NLK: variants seen among roughly 807,000 people sequenced by gnomAD.
The protein encoded by NLK is serine/threonine-protein kinase NLK.
NLK carries 11 observed loss-of-function variants against 59.0 expected under a neutral mutation model. The ratio of observed to expected loss-of-function variants is 0.19; its 90% CI spans 0.12 to 0.31. The LOEUF is 0.31. Among genes scored for constraint, NLK ranks in the 10% least tolerant of loss-of-function variants. The pLI, the probability that NLK is intolerant of heterozygous loss-of-function variation, is 1.00. For missense variants in NLK, 410 were observed against 661.1 expected (o/e 0.62, Z 4.16); for synonymous variants, 235 against 235.9 (o/e 1.00, Z 0.03).
chr17:28,065,246 G>C lies in NLK; in HGVS notation c.458+21915G>C, dbSNP rs34346130. 5.6e-3 allele frequency among the ~76,000 whole-genome samples: 860 copies of C among 152,222 alleles called. 6 individuals carry two copies. The highest frequency in any genetic ancestry group is 0.019 in the African/African-American group (808 of 41,522). ...TTATGAATGGTACCCCCCTGCAGTT[G>C]GCAGTGTAGTTTTTTTCTAGGCAGT... On this transcript the variant is annotated intron_variant, in intron 1 of 10. Coordinates refer to ENST00000407008, the MANE Select transcript of NLK (RefSeq NM_016231.5).
At chr17:28,139,973 G>GA (rs1039713366) in intron 3 of NLK, among the ~76,000 whole-genome samples, 2 of 152,102 alleles carry the variant, frequency 1.3e-5, no homozygotes, top group Non-Finnish European at 2.9e-5. Context: ...ACTTCAGGCA[G>GA]AAAAAAACGA....
chr17:28,134,383 A>T (rs1906651047), intron 3 of NLK, among the ~76,000 whole-genome samples: 3 of 152,246 alleles, frequency 2.0e-5, no homozygotes, highest in Admixed American at 2.0e-4. Context: ...CCTGGGCGAC[A>T]GAGTGAGACC....
chr17:28,197,909 C>A (rs534900900), downstream of NLK, among the ~76,000 whole-genome samples: 1 of 152,218 alleles, frequency 6.6e-6, no homozygotes, highest in East Asian at 1.9e-4. Flanking sequence ...GACTTTACTT[C>A]AAGAAGATGA....
intron 1 of NLK, among the ~76,000 whole-genome samples, chr17:28,112,628 C>G (rs1343516175): frequency 6.6e-6 from 1 of 152,174 alleles, no homozygotes; most frequent in African/African-American, 2.4e-5. Context: ...TTTGCCACAG[C>G]TGGAAGTCCT....
At chr17:28,060,539 C>T (rs543620177) in intron 1 of NLK, among the ~76,000 whole-genome samples, 23 of 152,062 alleles carry the variant, frequency 1.5e-4, no homozygotes, top group Admixed American at 5.9e-4. Context: ...TCCAAAGTGC[C>T]GGGATTACAA....
At chr17:28,163,469 C>G (rs915771944) in intron 4 of NLK, 74 bp from the exon 5 acceptor site, 4 of 866,162 alleles carry the variant, frequency 4.6e-6, no homozygotes, top group Non-Finnish European at 3.7e-6. Flanking sequence ...CTGTTTTCTT[C>G]CAAGGTTTTT....
At chr17:28,125,912 A>G (rs1400848586) in intron 2 of NLK, among the ~76,000 whole-genome samples, 3 of 152,234 alleles carry the variant, frequency 2.0e-5, no homozygotes, top group African/African-American at 7.2e-5. Flanking sequence ...CGTGTCAGAT[A>G]GGGCTTGTTA....
At chr17:28,098,675 C>CTTTTTTTT (rs781294029) in intron 1 of NLK, among the ~76,000 whole-genome samples, 7 of 67,568 alleles carry the variant, frequency 1.0e-4, no homozygotes, top group African/African-American at 2.5e-4. Flanking sequence ...CATTACCATT[C>CTTTTTTTT]TTTTTTTTTT....
At chr17:28,057,975 CCTAGGCTACAATATAAGAT>C (rs1474112213) in intron 1 of NLK, among the ~76,000 whole-genome samples, 7 of 152,158 alleles carry the variant, frequency 4.6e-5, no homozygotes, top group African/African-American at 1.7e-4. Flanking sequence ...GTGTTTGCTG[CCTAGGCTACAATATAAGAT>C]ACTATGTTTA....
intron 1 of NLK, among the ~76,000 whole-genome samples, chr17:28,083,598 T>G (rs550606130): frequency 6.6e-6 from 1 of 152,346 alleles, no homozygotes; most frequent in South Asian, 2.1e-4. Flanking sequence ...GTTCTAACAG[T>G]AACTCTAATG....
chr17:28,163,076 G>A (rs989501924), intron 4 of NLK, among the ~76,000 whole-genome samples: 1 of 152,226 alleles, frequency 6.6e-6, no homozygotes, highest in Admixed American at 6.5e-5. Flanking sequence ...GAGCGGTAAA[G>A]AATACTACTG....
chr17:28,047,455 T>C (rs1477854536), intron 1 of NLK, among the ~76,000 whole-genome samples: 1 of 152,230 alleles, frequency 6.6e-6, no homozygotes, highest in Non-Finnish European at 1.5e-5. Context: ...ATAAAAATAA[T>C]ACACATTTGT....
intron 1 of NLK, among the ~76,000 whole-genome samples, chr17:28,050,788 G>A (rs1203536039): frequency 6.6e-6 from 1 of 152,052 alleles, no homozygotes; most frequent in Non-Finnish European, 1.5e-5. Flanking sequence ...TAGGAAAATG[G>A]GAGTGATCTT....
chr17:28,061,456 A>G (rs1053804920), intron 1 of NLK, among the ~76,000 whole-genome samples: 2 of 152,180 alleles, frequency 1.3e-5, no homozygotes, highest in East Asian at 3.8e-4. Flanking sequence ...CGTGAATTTG[A>G]GAGTAATATA....
intron 1 of NLK, among the ~76,000 whole-genome samples, chr17:28,104,610 G>A (rs191103126): frequency 2.4e-4 from 37 of 151,968 alleles, no homozygotes; most frequent in African/African-American, 8.7e-4. Flanking sequence ...AGACTTTTTT[G>A]GCAAGCACAC....
rs536521226 is a variant in NLK at position 28,073,203 on chromosome 17, C to A, written c.458+29872C>A. ...TTTACTCTTCTACCAAGAACCAAAG[C>A]CAATAAAGACCCTTATTCTCATTAT... On this transcript the variant is annotated intron_variant, in intron 1 of 10. Transcript: ENST00000407008. Among the ~76,000 whole-genome samples, 5 of 152,226 alleles carry A rather than the reference C, an allele frequency of 3.3e-5. No individual in the cohort carries two copies. The East Asian group carries it at 9.7e-4, about 29-fold the overall frequency.
At chr17:28,168,109 G>A (rs948129035) in intron 5 of NLK, among the ~76,000 whole-genome samples, 35 of 151,494 alleles carry the variant, frequency 2.3e-4, no homozygotes, top group African/African-American at 2.4e-5. Context: ...TGGATCACCT[G>A]AGGTCAGGAG....
At chr17:28,192,895 A>AT (rs1909358260) in intron 10 of NLK, among the ~76,000 whole-genome samples, 1 of 152,124 alleles carries the variant, frequency 6.6e-6, no homozygotes, top group Admixed American at 6.5e-5. Context: ...CAAGAAAATA[A>AT]TTTTTTTGTG....
intron 1 of NLK, among the ~76,000 whole-genome samples, chr17:28,067,331 C>T (rs1056201944): frequency 6.6e-6 from 1 of 151,900 alleles, no homozygotes; most frequent in African/African-American, 2.4e-5. Context: ...AAAAGAACAT[C>T]TATTCATTTA....
Sources: allele counts gnomAD v4.1 joint callset (sites outside exome capture counted in the v4.1 genomes callset), GRCh38; gene constraint gnomAD v4.1.1; transcripts MANE v1.5; gene names NCBI Gene and HGNC (gene_info 2026-07-23, HGNC 2026-07-21).